Variants in CNN1 observed in about 807,000 individuals in gnomAD.
CNN1 encodes calponin-1.
In CNN1, 21 loss-of-function variants were observed where a neutral mutation model predicts 35.3. That is an observed-to-expected ratio of 0.60 (90% CI 0.42 to 0.86). CNN1 has a LOEUF of 0.86. Among genes scored for constraint, CNN1 ranks in the 40% least tolerant of loss-of-function variants. CNN1 has a pLI of 0.00. For missense variants in CNN1, 314 were observed against 400.8 expected (o/e 0.78, Z 1.85); for synonymous variants, 164 against 161.8 (o/e 1.01, Z -0.10).
intron 2 of CNN1, 126 bp downstream of exon 2, chr19:11,541,323 C>A: frequency 2.4e-6 from 3 of 1,260,524 alleles, no homozygotes; most frequent in Non-Finnish European, 3.2e-6. Flanking sequence ...TTTGGGGTGG[C>A]CAGTAATCAT....
At chr19:11,544,052 C>T (rs1972526075) in intron 2 of CNN1, among the ~76,000 whole-genome samples, 1 of 152,022 alleles carries the variant, frequency 6.6e-6, no homozygotes, top group African/African-American at 2.4e-5. Context: ...GAACAGTGAA[C>T]AGAACAGACT....
Position 11,549,183 on chromosome 19 carries a change from G to A in CNN1, c.502-140G>A, listed in dbSNP as rs1404711115. On this transcript the variant is annotated intron_variant, in intron 5 of 6. Coordinates refer to ENST00000252456, the MANE Select transcript of CNN1 (RefSeq NM_001299.6). The surrounding 1 kb of genome is among the most constrained non-coding windows in gnomAD (Gnocchi z 5.2). ...AGCCTGGGCAACAGAGCAAGACTCC[G>A]TCTCAAAAAAAAATAAATAAAATAA... The A allele has an allele frequency of 4.8e-5, 44 of 910,784 alleles. No homozygotes were observed. The highest frequency in any genetic ancestry group is 3.7e-4 in the Middle Eastern group (1 of 2,702). 56.4% of individuals were successfully genotyped at this position (910,784 alleles called of 1,614,324 possible).
At position 11,546,746 on chromosome 19, in the gene CNN1, G is replaced by C. The variant is rs770724445; in HGVS notation, c.252+5G>C. The C allele has an allele frequency of 4.3e-6, 7 of 1,614,208 alleles. No individual in the cohort carries two copies. The highest frequency in any genetic ancestry group is 3.3e-4 in the Middle Eastern group (2 of 6,062). The stretch of plus-strand genomic sequence containing the variant: ...TCAACCCAAAATTGGCACCAGGTGA[G>C]CCCAGACACAATCTCTTCCATCCTT... On this transcript the variant is annotated splice_donor_5th_base_variant and intron_variant, in intron 3 of 6. Transcript: ENST00000252456.
chr19:11,539,925 T>C, intron 1 of CNN1: 1 of 1,112,044 alleles, frequency 9.0e-7, no homozygotes, highest in Non-Finnish European at 1.1e-6. Context: ...CCGCGCCTTA[T>C]AAGGCGGCCT....
intron 2 of CNN1, among the ~76,000 whole-genome samples, chr19:11,546,258 G>A (rs1972578883): frequency 6.6e-6 from 1 of 152,202 alleles, no homozygotes; most frequent in Non-Finnish European, 1.5e-5. Context: ...TGACGCTAGG[G>A]TATGGCATGG....
In CNN1 at chr19:11,547,834, A is replaced by C; in HGVS notation, c.428A>C (p.Lys143Thr). 1 of 1,614,072 alleles carries C rather than the reference A, an allele frequency of 6.2e-7. No homozygotes were observed. Among genetic ancestry groups the C allele is most frequent in the Non-Finnish European group, 8.5e-7 (1 of 1,179,936 alleles). Residue 143 changes from lysine (K) to threonine (T), a missense_variant, in exon 5 of 7, where the codon AAG (lysine) becomes ACG (threonine). Coordinates refer to ENST00000252456, the MANE Select transcript of CNN1 (RefSeq NM_001299.6). ...TKGNKVNVGV[K>T]YAEKQERKFE... is the part of the protein sequence containing the mutation. ...GGAAACAAGGTGAACGTGGGAGTGAAGTACGCAGAGAAGCAGGAGCGGAAA... is the reference window on the plus strand; with the variant it reads ...GGAAACAAGGTGAACGTGGGAGTGACGTACGCAGAGAAGCAGGAGCGGAAA...
Position 11,549,265 on chromosome 19 carries a change from C to T in CNN1, c.502-58C>T. 6.3e-7 allele frequency: 1 copy of T among 1,592,788 alleles called. No homozygotes were observed. On this transcript the variant is annotated intron_variant, in intron 5 of 6. Transcript: ENST00000252456. This position sits in a 1 kb window ranked among gnomAD's most constrained non-coding sequence, Gnocchi z 5.2. ...CCTCATCCTCTCCCATCAGCTATGC[C>T]TCATGGCCCATGATGAGGTCTGTAA... is the stretch of plus-strand genomic sequence containing the variant.
rs114917375 is a variant in CNN1 at position 11,547,838 on chromosome 19, C to T, written c.432C>T (p.Tyr144=). ...ACAAGGTGAACGTGGGAGTGAAGTA[C>T]GCAGAGAAGCAGGAGCGGAAATTCG... The part of the protein sequence containing the change: ...KGNKVNVGVK[Y]AEKQERKFEP... Residue 144 remains tyrosine, a synonymous_variant, in exon 5 of 7, where the codon TAC becomes TAT. Transcript: ENST00000252456. 1.4e-3 allele frequency: 2,212 copies of T among 1,613,970 alleles called. 23 individuals carry two copies. The African/African-American group carries it at 0.025, about 18-fold the overall frequency.
At chr19:11,539,022 A>T (rs1211093275) in intron 1 of CNN1, 32 bp downstream of exon 1, 1 of 1,537,082 alleles carries the variant, frequency 6.5e-7, no homozygotes, top group Non-Finnish European at 8.8e-7. Context: ...GGCCTGGCCC[A>T]CACGTCCTGC....
chr19:11,548,232 G>A (rs1437643653), intron 5 of CNN1, among the ~76,000 whole-genome samples: 1 of 152,192 alleles, frequency 6.6e-6, no homozygotes, highest in East Asian at 1.9e-4. Context: ...CTGGGCCTCA[G>A]TTTCCAGTCT....
rs117853664 is a variant in CNN1 at position 11,547,867 on chromosome 19, C to T, written c.461C>T (p.Pro154Leu). Residue 154 changes from proline to leucine, a missense_variant, in exon 5 of 7, where the codon CCG (proline) becomes CTG (leucine). Coordinates refer to ENST00000252456, the MANE Select transcript of CNN1 (RefSeq NM_001299.6). Reference sequence around the variant, plus strand: ...GAGAAGCAGGAGCGGAAATTCGAGCCGGGGAAGCTAAGAGAAGGGCGGAAC... The same window carrying T: ...GAGAAGCAGGAGCGGAAATTCGAGCTGGGGAAGCTAAGAGAAGGGCGGAAC... ...YAEKQERKFE[P>L]GKLREGRNII... The T allele has an allele frequency of 5.8e-4, 931 of 1,613,938 alleles. 1 individual carries two copies. In the African/African-American group the frequency reaches 0.011, roughly 18 times the overall value.
chr19:11,541,348 A>ATG, intron 2 of CNN1, 151 bp downstream of exon 2: 3 of 1,035,064 alleles, frequency 2.9e-6, no homozygotes, highest in Non-Finnish European at 4.0e-6. Flanking sequence ...CCCATTTAAC[A>ATG]GGCACAGAAA....
At chr19:11,541,465 G>A (rs569074564) in intron 2 of CNN1, among the ~76,000 whole-genome samples, 5 of 152,294 alleles carry the variant, frequency 3.3e-5, no homozygotes, top group South Asian at 4.1e-4. Context: ...ATCTGTGGCC[G>A]CCAGAGTCCC....
chr19:11,549,276 T>C lies in CNN1; in HGVS notation c.502-47T>C, dbSNP rs1261924602. On this transcript the variant is annotated intron_variant, in intron 5 of 6. Coordinates refer to ENST00000252456, the MANE Select transcript of CNN1 (RefSeq NM_001299.6). The surrounding 1 kb of genome is among the most constrained non-coding windows in gnomAD (Gnocchi z 5.2). ...CCCATCAGCTATGCCTCATGGCCCATGATGAGGTCTGTAATTATTGGTGTG... is the reference window on the plus strand; with the variant it reads ...CCCATCAGCTATGCCTCATGGCCCACGATGAGGTCTGTAATTATTGGTGTG... 2 of 1,602,620 alleles carry C rather than the reference T, an allele frequency of 1.2e-6. No homozygotes were observed. Among genetic ancestry groups the C allele is most frequent in the South Asian group, 1.1e-5 (1 of 90,740 alleles).
At chr19:11,545,251 A>G (rs1415615945) in intron 2 of CNN1, among the ~76,000 whole-genome samples, 1 of 150,888 alleles carries the variant, frequency 6.6e-6, no homozygotes, top group African/African-American at 2.4e-5. Flanking sequence ...GTGGGTCTGT[A>G]GGGGATGAAG....
chr19:11,543,626 A>G (rs1246103494), intron 2 of CNN1, among the ~76,000 whole-genome samples: 1 of 150,140 alleles, frequency 6.7e-6, no homozygotes, highest in Non-Finnish European at 1.5e-5. Context: ...TAAAAAAAAT[A>G]CAAAAAATTA....
At chr19:11,540,525 G>T (rs1363473203) in intron 1 of CNN1, 1 of 152,618 alleles carries the variant, frequency 6.6e-6, no homozygotes, top group African/African-American at 2.4e-5. Context: ...GACGTGCAAG[G>T]GGTGGGGGCT....
At chr19:11,539,554 G>A in intron 1 of CNN1, 1 of 1,084,672 alleles carries the variant, frequency 9.2e-7, no homozygotes, top group Non-Finnish European at 1.2e-6. Context: ...AATAGCTGGG[G>A]TCCCAGGTAA....
At chr19:11,539,052 TG>T in intron 1 of CNN1, 62 bp downstream of exon 1, 1 of 1,405,890 alleles carries the variant, frequency 7.1e-7, no homozygotes, top group Non-Finnish European at 9.5e-7. Flanking sequence ...GCCCTGAGCT[TG>T]GGGTCCCTTG....
Sources: allele counts gnomAD v4.1 joint callset (sites outside exome capture counted in the v4.1 genomes callset), GRCh38; gene constraint gnomAD v4.1.1; non-coding constraint Gnocchi (gnomAD v3.1); transcripts MANE v1.5; gene names NCBI Gene and HGNC (gene_info 2026-07-23, HGNC 2026-07-21).